Variants in DLGAP1 observed in about 807,000 individuals in gnomAD.
The protein encoded by DLGAP1 is DLG associated protein 1, also known as disks large-associated protein 1.
Under a neutral mutation model 90.8 loss-of-function variants are expected in DLGAP1, and 11 were observed. That is an observed-to-expected ratio of 0.12 (90% CI 0.08 to 0.20). DLGAP1 has a LOEUF of 0.20. Among genes scored for constraint, DLGAP1 ranks in the 10% least tolerant of loss-of-function variants. DLGAP1 has a pLI of 1.00. For missense variants in DLGAP1, 1,050 were observed against 1,333.8 expected, an observed-to-expected ratio of 0.79 and a Z score of 3.31; for synonymous variants, 558 against 540.7, an observed-to-expected ratio of 1.03 and a Z score of -0.44.
intron 3 of DLGAP1, among the ~76,000 whole-genome samples, chr18:3,938,938 T>C (rs1257927689): frequency 6.6e-6 from 1 of 152,158 alleles, no homozygotes; most frequent in East Asian, 1.9e-4. Flanking sequence ...GCGAAGGTGA[T>C]GACAAGTGCC....
intron 9 of DLGAP1, among the ~76,000 whole-genome samples, chr18:3,550,558 A>T (rs1599181235): frequency 6.6e-6 from 1 of 152,090 alleles, no homozygotes; most frequent in African/African-American, 2.4e-5. Flanking sequence ...TGAGGCCCCA[A>T]GGGTGGGCTC....
intron 7 of DLGAP1, chr18:3,656,250 C>T: frequency 3.2e-6 from 2 of 622,438 alleles, no homozygotes; most frequent in Non-Finnish European, 5.2e-6. Context: ...AAACAAATAT[C>T]AACTTCAAAA....
intron 7 of DLGAP1, among the ~76,000 whole-genome samples, chr18:3,600,829 T>TATATATAGATATATATAGATATATAG (rs1568278492): frequency 7.4e-5 from 2 of 26,984 alleles, no homozygotes; most frequent in African/African-American, 3.8e-4. Context: ...GATATATAGA[T>TATATATAGATATATATAGATATATAG]ATATATAGAT....
Position 3,534,412 on chromosome 18 carries a change from T to C in DLGAP1, c.2261A>G (p.Asp754Gly), listed in dbSNP as rs1215995307. ...GTCAAAATCCGTGTCAAAGTCATCA[T>C]CGGCGGCACAGGCATGGTAATGGTT... ...SGNHYHACAA[D>G]DDFDTDFDPS... is the part of the protein sequence containing the mutation. Residue 754 changes from aspartate to glycine, a missense_variant, in exon 10 of 13, where the codon GAT (aspartate) becomes GGT (glycine). Physicochemically the swap from Asp to Gly is moderately conservative, Grantham distance 94 (BLOSUM62 -1). This residue lies in a region of DLGAP1 where 565 missense variants were observed against 879.7 expected (regional missense o/e 0.64). Coordinates refer to ENST00000315677, the MANE Select transcript of DLGAP1 (RefSeq NM_004746.4). 2.5e-6 allele frequency: 4 copies of C among 1,614,172 alleles called. No homozygotes were observed. In the South Asian group the frequency reaches 4.4e-5, roughly 18 times the overall value.
At chr18:4,153,071 A>G (rs1220357379) in intron 1 of DLGAP1, among the ~76,000 whole-genome samples, 5 of 152,230 alleles carry the variant, frequency 3.3e-5, no homozygotes, top group African/African-American at 4.8e-5. Flanking sequence ...AGACACCCAA[A>G]ACACAAGAAG....
At chr18:3,975,624 CCATGCTCATGGCAG>C (rs2073556371) in intron 3 of DLGAP1, among the ~76,000 whole-genome samples, 1 of 152,048 alleles carries the variant, frequency 6.6e-6, no homozygotes, top group South Asian at 2.1e-4. Context: ...ATTGGTACAC[CCATGCTCATGGCAG>C]CATTATTTAC....
intron 7 of DLGAP1, among the ~76,000 whole-genome samples, chr18:3,647,083 T>TGAA (rs1349418003): frequency 2.0e-5 from 3 of 151,888 alleles, no homozygotes; most frequent in Non-Finnish European, 4.4e-5. Context: ...ACCCTGTTTC[T>TGAA]ACTAAATACA....
intron 1 of DLGAP1, among the ~76,000 whole-genome samples, chr18:4,404,748 A>T (rs1269251954): frequency 2.6e-5 from 4 of 152,216 alleles, no homozygotes; most frequent in Non-Finnish European, 5.9e-5. Flanking sequence ...TATGAGGAAA[A>T]CGCATAAAGG....
At chr18:4,307,650 A>G (rs1004450222) in intron 1 of DLGAP1, among the ~76,000 whole-genome samples, 1 of 151,682 alleles carries the variant, frequency 6.6e-6, no homozygotes, top group African/African-American at 2.4e-5. Flanking sequence ...CAGGGCCTGC[A>G]GTCTCTGCAC....
intron 9 of DLGAP1, among the ~76,000 whole-genome samples, chr18:3,541,165 A>G (rs2052671373): frequency 6.6e-6 from 1 of 152,226 alleles, no homozygotes; most frequent in African/African-American, 2.4e-5. Context: ...TGGAGGCTGT[A>G]GGCTTGTAAG....
rs765360877 is a variant in DLGAP1, at chr18:3,879,429, T to C, written c.640A>G (p.Ile214Val). Residue 214 changes from isoleucine (I) to valine (V), a missense_variant, in exon 4 of 13, where the codon ATC (isoleucine) becomes GTC (valine). By Grantham distance (29) the Ile-to-Val change is conservative (BLOSUM62 3). Around this residue, in one of 2 missense-constraint regions of DLGAP1, gnomAD observed 485 missense variants for 454.1 expected, o/e 1.07. Coordinates refer to ENST00000315677, the MANE Select transcript of DLGAP1 (RefSeq NM_004746.4). The surrounding 1 kb of genome is among the most constrained non-coding windows in gnomAD (Gnocchi z 6.6). ...SDDNLDGDMC[I>V]YHAPSGVMTM... ...ATCACGCCCGAGGGGGCGTGGTAGA[T>C]GCACATGTCACCATCCAGGTTGTCG... The C allele has an allele frequency of 1.2e-6, 2 of 1,609,862 alleles. No individual in the cohort carries two copies. The highest frequency in any genetic ancestry group is 1.7e-6 in the Non-Finnish European group (2 of 1,179,954).
At chr18:4,047,597 C>T (rs1051940831) in intron 2 of DLGAP1, among the ~76,000 whole-genome samples, 4 of 152,136 alleles carry the variant, frequency 2.6e-5, no homozygotes, top group Non-Finnish European at 4.4e-5. Context: ...GGTGTTGTAG[C>T]CAGGGGTGAA....
chr18:3,525,589 G>A (rs929244689), intron 10 of DLGAP1, among the ~76,000 whole-genome samples: 10 of 151,986 alleles, frequency 6.6e-5, no homozygotes, highest in Non-Finnish European at 1.0e-4. Flanking sequence ...TAGTAGAGAC[G>A]GAGTTTCAAC....
At chr18:4,086,069 A>G (rs549195631) in intron 2 of DLGAP1, among the ~76,000 whole-genome samples, 1 of 152,332 alleles carries the variant, frequency 6.6e-6, no homozygotes, top group African/African-American at 2.4e-5. Context: ...GGTGAAGATT[A>G]TAGAATGTCC....
chr18:3,497,402 A>C lies in DLGAP1; in HGVS notation c.*1783T>G, dbSNP rs551393838. The C allele has an allele frequency of 2.6e-5, 4 of 152,280 alleles. No individual in the cohort carries two copies. The East Asian group carries it at 5.8e-4, about 22-fold the overall frequency. The allele number at this position is 152,280 out of a possible 1,614,324, so 9.4% of individuals were successfully genotyped here. ...CTTTTCTTGTAAACCACAGCAGTAA[A>C]CATTTGTGCCCTGTTTATAAAGGTA... On this transcript the variant is annotated 3_prime_UTR_variant, in exon 13 of 13. Transcript: ENST00000315677.
chr18:4,361,188 A>T lies in DLGAP1; in HGVS notation c.-267+93818T>A, dbSNP rs556477647. Reference sequence around the variant, plus strand: ...TTAATAATAATGTTTCTATGAAATAACATAATATATTTTATTGATATGTGC... The same window carrying T: ...TTAATAATAATGTTTCTATGAAATATCATAATATATTTTATTGATATGTGC... On this transcript the variant is annotated intron_variant, in intron 1 of 12. Transcript: ENST00000315677. 1.1e-4 allele frequency among the ~76,000 whole-genome samples: 16 copies of T among 152,218 alleles called. No individual in the cohort carries two copies. In the South Asian group the frequency reaches 3.3e-3, roughly 32 times the overall value.
chr18:4,269,333 C>CAT (rs66677805), intron 1 of DLGAP1, among the ~76,000 whole-genome samples: 1,439 of 139,636 alleles, frequency 0.01, 9 homozygotes, highest in East Asian at 0.028. Context: ...TTTATATATA[C>CAT]ATATATATAT....
At chr18:4,069,949 C>T (rs56183428) in intron 2 of DLGAP1, among the ~76,000 whole-genome samples, 125,238 of 152,026 alleles carry the variant, frequency 0.82, 51,800 homozygotes, top group East Asian at 0.94. Context: ...ACTGAGACAA[C>T]AGACAAAGGC....
At chr18:3,508,923 T>C (rs2050384109) in intron 10 of DLGAP1, among the ~76,000 whole-genome samples, 1 of 151,858 alleles carries the variant, frequency 6.6e-6, no homozygotes, top group Non-Finnish European at 1.5e-5. Context: ...AATGGAGTTT[T>C]CCAGCACTGA....
Sources: gnomAD v4.1 joint callset for allele counts (sites outside exome capture counted in the v4.1 genomes callset) on GRCh38, gnomAD v4.1.1 for gene constraint, gnomAD v4.1.1 regional missense constraint, Gnocchi (gnomAD v3.1) non-coding constraint, MANE v1.5 for transcripts, NCBI Gene and HGNC (gene_info 2026-07-23, HGNC 2026-07-21) for gene names.